EPAS1: variants seen among roughly 807,000 people sequenced by gnomAD.
The protein encoded by EPAS1 is endothelial PAS domain protein 1.
In EPAS1, 23 loss-of-function variants were observed where a neutral mutation model predicts 87.9. That is an observed-to-expected ratio of 0.26 (90% confidence interval 0.19 to 0.37). The LOEUF (loss-of-function observed/expected upper bound fraction) is 0.37. Among genes scored for constraint, EPAS1 ranks in the 10% least tolerant of loss-of-function variants. EPAS1 has a pLI of 1.00. For missense variants in EPAS1, 1,138 were observed against 1,120.7 expected (o/e 1.02, Z -0.22); for synonymous variants, 508 against 444.3 (o/e 1.14, Z -1.80).
At position 46,376,580 on chromosome 2, in the gene EPAS1, C is replaced by A. The variant is rs758430668; in HGVS notation, c.1076C>A (p.Thr359Asn). 5 of 1,614,152 alleles carry A rather than the reference C, an allele frequency of 3.1e-6. No individual in the cohort carries two copies. Among genetic ancestry groups the A allele is most frequent in the Non-Finnish European group, 1.7e-6 (2 of 1,180,036 alleles). The change falls in exon 9 of 16, where the codon ACT (threonine) becomes AAT (asparagine). Residue 359 changes from threonine (T) to asparagine (N), a missense_variant. Physicochemically the swap from Thr to Asn is moderately conservative, Grantham distance 65 (BLOSUM62 0). Around this residue, in one of 4 missense-constraint regions of EPAS1, gnomAD observed 284 missense variants for 258.4 expected, o/e 1.10. Transcript: ENST00000263734. ...KNDVVFSMDQ[T>N]ESLFKPHLMA... ...GACGTGGTGTTCTCCATGGACCAGA[C>A]TGAATCCCTGTTCAAGCCCCACCTG...
chr2:46,356,127 T>TGGGGGGGGGGGGGGGC, intron 2 of EPAS1, 24 bp from the exon 3 acceptor site: 2 of 1,395,472 alleles, frequency 1.4e-6, no homozygotes, highest in Non-Finnish European at 2.0e-6. Flanking sequence ...TCATGCAAGC[T>TGGGGGGGGGGGGGGGC]GTCCCACCCC....
At chr2:46,383,250 C>T (rs776027977) in intron 15 of EPAS1, among the ~76,000 whole-genome samples, 5 of 152,312 alleles carry the variant, frequency 3.3e-5, no homozygotes, top group East Asian at 1.9e-4. Flanking sequence ...CAGGCAGGTG[C>T]TGAGAACATG....
In EPAS1 at chr2:46,380,053, T is replaced by C. The variant is rs1684851487; in HGVS notation, c.1555-174T>C. On this transcript the variant is annotated intron_variant, in intron 11 of 15. Transcript: ENST00000263734. The surrounding 1 kb of genome is among the most constrained non-coding windows in gnomAD (Gnocchi z 4.4). ...GGTACATGATACAAGGTCGTGTACA[T>C]GACACAGCCAAGTCTGAGGTTTTCC... is the stretch of plus-strand genomic sequence containing the variant. The C allele has an allele frequency of 2.1e-6, 2 of 974,612 alleles. No individual in the cohort carries two copies. The highest frequency in any genetic ancestry group is 1.3e-5 in the South Asian group (1 of 75,214). 60.4% of individuals were successfully genotyped at this position (974,612 alleles called of 1,614,324 possible). A position where few individuals can be genotyped will look rare whatever the true frequency, so the allele number is the denominator to read the frequency against.
At position 46,374,529 on chromosome 2, in the gene EPAS1, G is replaced by A. The variant is rs557438517; in HGVS notation, c.887-1161G>A. Among the ~76,000 whole-genome samples the A allele has an allele frequency of 2.9e-4, 44 of 152,240 alleles. No homozygotes were observed. The South Asian group carries it at 3.7e-3, about 13-fold the overall frequency. ...GTAGCTAATGATGACAGTTATTACC[G>A]TTACTACTATTATTATCAATATCCT... is the stretch of plus-strand genomic sequence containing the variant. On this transcript the variant is annotated intron_variant, in intron 7 of 15. Coordinates refer to ENST00000263734, the MANE Select transcript of EPAS1 (RefSeq NM_001430.5).
chr2:46,328,436 G>A (rs1266216587), intron 1 of EPAS1, among the ~76,000 whole-genome samples: 1 of 152,226 alleles, frequency 6.6e-6, no homozygotes, highest in African/African-American at 2.4e-5. Context: ...GAAAATGACA[G>A]ATGAAGTGCA....
At chr2:46,376,451 C>A in intron 8 of EPAS1, 88 bp from the exon 9 acceptor site, 1 of 1,330,982 alleles carries the variant, frequency 7.5e-7, no homozygotes, top group Non-Finnish European at 1.1e-6. Context: ...TGTCGGAGAG[C>A]TTAGCTATGA....
chr2:46,315,766 C>T (rs956840102), intron 1 of EPAS1, among the ~76,000 whole-genome samples: 4 of 152,234 alleles, frequency 2.6e-5, no homozygotes, highest in African/African-American at 9.6e-5. Context: ...CCCAGGGGTG[C>T]TCTGGGCTCT....
chr2:46,356,347 T>C (rs1477802454), intron 3 of EPAS1, 45 bp downstream of exon 3: 1 of 1,612,782 alleles, frequency 6.2e-7, no homozygotes, highest in South Asian at 1.1e-5. Flanking sequence ...ATGTTTCCAT[T>C]TGGGGGTAGA....
chr2:46,332,445 C>T (rs1307819542), intron 1 of EPAS1, among the ~76,000 whole-genome samples: 3 of 151,996 alleles, frequency 2.0e-5, no homozygotes, highest in South Asian at 2.1e-4. Context: ...AGCAGAGATT[C>T]GCCATTAGCA....
intron 1 of EPAS1, among the ~76,000 whole-genome samples, chr2:46,329,687 T>C (rs1683636857): frequency 6.6e-6 from 1 of 152,004 alleles, no homozygotes; most frequent in Non-Finnish European, 1.5e-5. Context: ...CCAGGTGCAG[T>C]GGTGGGCACC....
chr2:46,330,874 C>T (rs1329762015), intron 1 of EPAS1, among the ~76,000 whole-genome samples: 1 of 152,158 alleles, frequency 6.6e-6, no homozygotes, highest in Non-Finnish European at 1.5e-5. Context: ...CCTCCTTGTC[C>T]TGGCTAACTC....
chr2:46,335,124 T>C (rs1293877812), intron 1 of EPAS1, among the ~76,000 whole-genome samples: 1 of 152,158 alleles, frequency 6.6e-6, no homozygotes, highest in Non-Finnish European at 1.5e-5. Flanking sequence ...GAGTGAGGGA[T>C]CCCGTGCTTT....
chr2:46,382,561 C>T lies in EPAS1; in HGVS notation c.2424C>T (p.Tyr808=), dbSNP rs772459075. Residue 808 remains tyrosine, a synonymous_variant, in exon 15 of 16, where the codon TAC becomes TAT. Transcript: ENST00000263734. ...CCCCACAGTGCTACGCCACCCAGTA[C>T]CAGGACTACAGCCTGTCGTCAGCCC... The part of the protein sequence containing the change: ...RFPPQCYATQ[Y]QDYSLSSAHK... 1 of 1,614,138 alleles carries T rather than the reference C, an allele frequency of 6.2e-7. No individual in the cohort carries two copies.
intron 7 of EPAS1, among the ~76,000 whole-genome samples, chr2:46,374,943 A>C (rs1035512992): frequency 2.0e-5 from 3 of 152,082 alleles, no homozygotes; most frequent in African/African-American, 7.2e-5. Flanking sequence ...TGGGAGAAGG[A>C]GTATAAGTGA....
rs777539112 is a variant in EPAS1 at position 46,380,757 on chromosome 2, C to G, written c.2045+40C>G. The G allele has an allele frequency of 1.2e-6, 2 of 1,601,286 alleles. No homozygotes were observed. Among genetic ancestry groups the G allele is most frequent in the East Asian group, 4.5e-5 (2 of 44,880 alleles). The stretch of plus-strand genomic sequence containing the variant: ...CTCAGCTGTACCAGCAGGGCCGAAC[C>G]GAGAGGCACCCACTAGTAAGATAGC... On this transcript the variant is annotated intron_variant, in intron 12 of 15. Coordinates refer to ENST00000263734, the MANE Select transcript of EPAS1 (RefSeq NM_001430.5). This position sits in a 1 kb window ranked among gnomAD's most constrained non-coding sequence, Gnocchi z 4.4.
At chr2:46,321,936 C>T (rs17802493) in intron 1 of EPAS1, among the ~76,000 whole-genome samples, 2,598 of 152,200 alleles carry the variant, frequency 0.017, 133 homozygotes, top group Admixed American at 0.11. Flanking sequence ...AAATAGAGGC[C>T]TTTGGGACTT....
chr2:46,340,108 G>T (rs986309455), intron 1 of EPAS1, among the ~76,000 whole-genome samples: 10 of 152,150 alleles, frequency 6.6e-5, no homozygotes, highest in African/African-American at 2.4e-4. Context: ...TCCCAGCTGG[G>T]CTGGGGAGTC....
chr2:46,305,182 G>A (rs927764778), intron 1 of EPAS1, among the ~76,000 whole-genome samples: 7 of 152,184 alleles, frequency 4.6e-5, no homozygotes, highest in African/African-American at 1.7e-4. Flanking sequence ...TGTTCCCACT[G>A]TTGGAAGCCC....
At chr2:46,344,498 A>T (rs1261810260) in intron 1 of EPAS1, among the ~76,000 whole-genome samples, 1 of 152,198 alleles carries the variant, frequency 6.6e-6, no homozygotes, top group Non-Finnish European at 1.5e-5. Context: ...CAAAGGCATG[A>T]TGTGTGCGGT....
Sources: gnomAD v4.1 joint callset for allele counts (sites outside exome capture counted in the v4.1 genomes callset) on GRCh38, gnomAD v4.1.1 for gene constraint, gnomAD v4.1.1 regional missense constraint, Gnocchi (gnomAD v3.1) non-coding constraint, MANE v1.5 for transcripts, NCBI Gene and HGNC (gene_info 2026-07-23, HGNC 2026-07-21) for gene names.